ASH1L: variants seen among roughly 807,000 people sequenced by gnomAD.
ASH1L encodes ASH1 like histone lysine methyltransferase.
A neutral mutation model predicts 269.0 loss-of-function variants in ASH1L; 23 were observed. That is an observed-to-expected ratio of 0.09 (90% CI 0.06 to 0.12). The LOEUF (loss-of-function observed/expected upper bound fraction) is 0.12. ASH1L is among the 10% of genes least tolerant of loss of function. ASH1L has a pLI of 1.00. For missense variants in ASH1L, 2,912 were observed against 3,567.8 expected (o/e 0.82, Z 4.68); for synonymous variants, 1,187 against 1,253.5 (o/e 0.95, Z 1.12).
At chr1:155,409,296 A>G (rs58621120) in intron 6 of ASH1L, among the ~76,000 whole-genome samples, 7,939 of 152,198 alleles carry the variant, frequency 0.052, 696 homozygotes, top group African/African-American at 0.18. Flanking sequence ...GATTACAGGG[A>G]TGAGCAACCA....
chr1:155,438,968 G>T lies in ASH1L; in HGVS notation c.5187C>A (p.Pro1729=). ...QRMVQNEDQE[P]MEKSIDAVIA... ...TCACAGCATCAATACTTTTCTCCATGGGCTCTTGGTCCTCATTTTGTACCA... is the reference window on the plus strand; with the variant it reads ...TCACAGCATCAATACTTTTCTCCATTGGCTCTTGGTCCTCATTTTGTACCA... The change falls in exon 5 of 28, where the codon CCC becomes CCA. Residue 1729 remains proline (P), a synonymous_variant. Transcript: ENST00000392403. The T allele has an allele frequency of 6.2e-7, 1 of 1,614,166 alleles. No homozygotes were observed.
chr1:155,531,064 G>A (rs1669638725), intron 1 of ASH1L, among the ~76,000 whole-genome samples: 1 of 151,622 alleles, frequency 6.6e-6, no homozygotes, highest in South Asian at 2.1e-4. Context: ...AGGCTGAGAT[G>A]AGAAGATCAC....
intron 2 of ASH1L, among the ~76,000 whole-genome samples, chr1:155,510,230 T>A (rs1175048357): frequency 6.6e-6 from 1 of 151,404 alleles, no homozygotes; most frequent in Non-Finnish European, 1.5e-5. Context: ...CCTGACCAAT[T>A]TGGAGAAACC....
intron 1 of ASH1L, among the ~76,000 whole-genome samples, chr1:155,527,076 C>T (rs533443404): frequency 1.8e-4 from 27 of 152,164 alleles, no homozygotes; most frequent in African/African-American, 5.1e-4. Context: ...GGTGTGGTGG[C>T]GCATGCCTGT....
At chr1:155,357,131 C>A (rs1380661256) in intron 15 of ASH1L, among the ~76,000 whole-genome samples, 185 bp downstream of exon 15, 15 of 54,398 alleles carry the variant, frequency 2.8e-4, no homozygotes, top group South Asian at 1.5e-3. Context: ...AAGGGTAAGA[C>A]TTAAAAAAAA....
rs1208798693 is a variant in ASH1L at position 155,343,484 on chromosome 1, T to C, written c.8123A>G (p.Glu2708Gly). The change falls in exon 24 of 28, where the codon GAG becomes GGG. Residue 2708 changes from glutamate (E) to glycine (G), a missense_variant and splice_region_variant. Physicochemically the swap from Glu to Gly is moderately conservative, Grantham distance 98. Coordinates refer to ENST00000392403, the MANE Select transcript of ASH1L (RefSeq NM_018489.3). This position sits in a 1 kb window ranked among gnomAD's most constrained non-coding sequence, Gnocchi z 6.1. ...RIEKLWKNEKEERFAFGHHYF... is the reference protein window; with the variant it reads ...RIEKLWKNEKGERFAFGHHYF... ...ATGGTGACCAAAGGCAAACCGTTCCTCTCTAAAACAATGGAAAAGTGAGAA... is the reference window on the plus strand; with the variant it reads ...ATGGTGACCAAAGGCAAACCGTTCCCCTCTAAAACAATGGAAAAGTGAGAA... 1.9e-6 allele frequency: 3 copies of C among 1,613,818 alleles called. No individual in the cohort carries two copies. In the Admixed American group the frequency reaches 5.0e-5, roughly 27 times the overall value.
intron 3 of ASH1L, among the ~76,000 whole-genome samples, chr1:155,465,653 C>G (rs940789732): frequency 2.0e-5 from 3 of 152,078 alleles, no homozygotes; most frequent in Non-Finnish European, 4.4e-5. Flanking sequence ...TAAATTGTTA[C>G]AAAAGTTTAG....
chr1:155,361,291 G>A (rs1056817778), intron 12 of ASH1L, among the ~76,000 whole-genome samples: 2 of 151,992 alleles, frequency 1.3e-5, no homozygotes, highest in Non-Finnish European at 2.9e-5. Context: ...GGCTGAGGCA[G>A]GCAGATCACG....
intron 2 of ASH1L, among the ~76,000 whole-genome samples, chr1:155,488,502 C>CAA (rs368511587): frequency 1.5e-3 from 61 of 41,284 alleles, no homozygotes; most frequent in Non-Finnish European, 1.6e-3. Flanking sequence ...ACTAAAAATA[C>CAA]AAAAAAAAAA....
intron 10 of ASH1L, among the ~76,000 whole-genome samples, chr1:155,373,399 C>T (rs1656154372): frequency 1.3e-5 from 2 of 151,942 alleles, no homozygotes; most frequent in South Asian, 4.2e-4. Context: ...GCAATTCTCC[C>T]ACCTCAGCTT....
At chr1:155,550,554 T>G (rs1450426129) in intron 1 of ASH1L, among the ~76,000 whole-genome samples, 1 of 152,196 alleles carries the variant, frequency 6.6e-6, no homozygotes, top group Non-Finnish European at 1.5e-5. Flanking sequence ...CAGGTACTCC[T>G]GTCTCAGGGC....
At chr1:155,365,148 C>A (rs1159719622) in intron 12 of ASH1L, among the ~76,000 whole-genome samples, 1 of 152,038 alleles carries the variant, frequency 6.6e-6, no homozygotes, top group Non-Finnish European at 1.5e-5. Flanking sequence ...CTTAAGAGAC[C>A]CACAACCCAA....
chr1:155,445,130 C>T (rs1299486151), intron 4 of ASH1L, among the ~76,000 whole-genome samples: 1 of 152,110 alleles, frequency 6.6e-6, no homozygotes, highest in Non-Finnish European at 1.5e-5. Context: ...CCAGTAGTTA[C>T]AGCACCATTT....
rs1387314802 is a variant in ASH1L, at chr1:155,347,732, T to C, written c.7727A>G (p.Lys2576Arg). The C allele has an allele frequency of 6.2e-6, 10 of 1,614,244 alleles. No individual in the cohort carries two copies. Among genetic ancestry groups the C allele is most frequent in the Non-Finnish European group, 8.5e-6 (10 of 1,180,048 alleles). Reference protein sequence around the residue: ...SVSEKENGHEKDDDVIRCICG... With the variant: ...SVSEKENGHERDDDVIRCICG... ...GATACAGCGAATAACATCGTCGTCCTTCTCATGCCCATTCTCCTTTTCAGA... is the reference window on the plus strand; with the variant it reads ...GATACAGCGAATAACATCGTCGTCCCTCTCATGCCCATTCTCCTTTTCAGA... The change falls in exon 20 of 28, where the codon AAG becomes AGG. Residue 2576 changes from lysine (K) to arginine (R), a missense_variant. Around this residue, in one of 13 missense-constraint regions of ASH1L, gnomAD observed 309 missense variants for 435.1 expected, o/e 0.71. Coordinates refer to ENST00000392403, the MANE Select transcript of ASH1L (RefSeq NM_018489.3).
rs1227585714 is a variant in ASH1L, at chr1:155,430,705, C to T, written c.5828+7622G>A. Among the ~76,000 whole-genome samples, 4 of 152,174 alleles carry T rather than the reference C, an allele frequency of 2.6e-5. No individual in the cohort carries two copies. In the East Asian group the frequency reaches 5.8e-4, roughly 22 times the overall value. ...AGTGACTCTTACTGTTATACATTTG[C>T]CTTATTTTATTAACTTAAGGTGTAT... On this transcript the variant is annotated intron_variant, in intron 5 of 27. Transcript: ENST00000392403.
chr1:155,510,203 C>T (rs893583679), intron 2 of ASH1L, among the ~76,000 whole-genome samples: 2 of 151,696 alleles, frequency 1.3e-5, no homozygotes, highest in African/African-American at 4.8e-5. Flanking sequence ...ATCACAAGGT[C>T]AGGAGTTCGA....
intron 2 of ASH1L, among the ~76,000 whole-genome samples, chr1:155,493,855 T>C (rs894640049): frequency 9.9e-5 from 15 of 152,096 alleles, no homozygotes; most frequent in African/African-American, 3.4e-4. Flanking sequence ...GCCTGGGGGA[T>C]AGAGCAAGAC....
At chr1:155,422,947 CTTTCTTTT>C (rs1660827725) in intron 5 of ASH1L, among the ~76,000 whole-genome samples, 1 of 138,584 alleles carries the variant, frequency 7.2e-6, no homozygotes, top group African/African-American at 2.7e-5. Context: ...TTGAGCTGGC[CTTTCTTTT>C]TTTTTTTTTT....
intron 4 of ASH1L, among the ~76,000 whole-genome samples, chr1:155,445,825 TTG>T (rs1558114798): frequency 6.6e-6 from 1 of 152,108 alleles, no homozygotes. Flanking sequence ...TTTTAATTTT[TTG>T]TGATTTAATT....
Sources: gnomAD v4.1 joint callset for allele counts (sites outside exome capture counted in the v4.1 genomes callset) on GRCh38, gnomAD v4.1.1 for gene constraint, gnomAD v4.1.1 regional missense constraint, Gnocchi (gnomAD v3.1) non-coding constraint, MANE v1.5 for transcripts, NCBI Gene and HGNC (gene_info 2026-07-23, HGNC 2026-07-21) for gene names.